Variants in SORCS1 observed in about 807,000 individuals in gnomAD.
SORCS1 encodes the protein VPS10 domain-containing receptor SorCS1.
In SORCS1, 60 loss-of-function variants were observed where a neutral mutation model predicts 146.1. The ratio of observed to expected loss-of-function variants is 0.41; its 90% CI spans 0.33 to 0.51. The LOEUF (loss-of-function observed/expected upper bound fraction) is 0.51. Ranked by LOEUF, SORCS1 falls within the 20% of genes least tolerant of loss-of-function variation. SORCS1 has a pLI of 0.21. For synonymous variants in SORCS1, 637 were observed against 584.0 expected (o/e 1.09, Z -1.31); for missense variants, 1,352 against 1,487.6 (o/e 0.91, Z 1.50).
intron 19 of SORCS1, among the ~76,000 whole-genome samples, chr10:106,622,370 T>C (rs1847810484): frequency 6.6e-6 from 1 of 151,558 alleles, no homozygotes; most frequent in African/African-American, 2.4e-5. Flanking sequence ...GATTTAAAAT[T>C]TGTGAGACAG....
intron 5 of SORCS1, among the ~76,000 whole-genome samples, chr10:106,757,889 CT>C (rs1858774394): frequency 6.6e-6 from 1 of 152,330 alleles, no homozygotes; most frequent in Non-Finnish European, 1.5e-5. Context: ...AGCCAAATTA[CT>C]TACCTTCTCT....
intron 1 of SORCS1, among the ~76,000 whole-genome samples, chr10:107,154,997 G>A (rs1453459807): frequency 6.6e-6 from 1 of 152,134 alleles, no homozygotes; most frequent in Admixed American, 6.5e-5. Context: ...TAGTAGAGTC[G>A]GCAATTAACC....
rs760812204 is a variant in SORCS1, at chr10:106,891,504, C to CTTTTTTTTTTTTTTTTTTTTTTTTTTTTT, written c.627-61832_627-61831insAAAAAAAAAAAAAAAAAAAAAAAAAAAAA. On this transcript the variant is annotated intron_variant, in intron 2 of 25. Transcript: ENST00000263054. ...GTAATCAGAAGTTTCAATGGGAATT[C>CTTTTTTTTTTTTTTTTTTTTTTTTTTTTT]TTTTTTTTTTTTTGAGAAAAGACCT... Among the ~76,000 whole-genome samples the CTTTTTTTTTTTTTTTTTTTTTTTTTTTTT allele has an allele frequency of 2.2e-3, 218 of 97,178 alleles. 53 individuals carry two copies. The highest frequency in any genetic ancestry group is 5.4e-3 in the Middle Eastern group (1 of 186). The allele number at this position is 97,178 out of a possible 152,430, so 63.8% of individuals were successfully genotyped here. A position where few individuals can be genotyped will look rare whatever the true frequency, so the allele number is the denominator to read the frequency against.
rs559857473 is a variant in SORCS1 at position 106,621,289 on chromosome 10, T to C, written c.2663-728A>G. On this transcript the variant is annotated intron_variant, in intron 19 of 25. Transcript: ENST00000263054. ...GAATGCCCTCTTCATAAAGAACCACTAGGACCTTTCCTTCAACCCTCAATC... is the reference window on the plus strand; with the variant it reads ...GAATGCCCTCTTCATAAAGAACCACCAGGACCTTTCCTTCAACCCTCAATC... 2.4e-4 allele frequency among the ~76,000 whole-genome samples: 37 copies of C among 152,278 alleles called. No homozygotes were observed. The East Asian group carries it at 6.8e-3, about 28-fold the overall frequency.
intron 3 of SORCS1, among the ~76,000 whole-genome samples, chr10:106,789,862 T>C (rs779719222): frequency 1.4e-4 from 21 of 152,208 alleles, no homozygotes; most frequent in Non-Finnish European, 2.5e-4. Context: ...AGAAGTGTAA[T>C]TGACTCACAG....
At chr10:106,877,900 G>A (rs988659766) in intron 2 of SORCS1, among the ~76,000 whole-genome samples, 2 of 152,156 alleles carry the variant, frequency 1.3e-5, no homozygotes, top group African/African-American at 4.8e-5. Flanking sequence ...ACTTTTCAGA[G>A]GGTGGAAACA....
chr10:107,108,172 T>C (rs1453357787), intron 1 of SORCS1, among the ~76,000 whole-genome samples: 1 of 152,114 alleles, frequency 6.6e-6, no homozygotes, highest in Non-Finnish European at 1.5e-5. Flanking sequence ...TTATCTATGA[T>C]CCTAGAGACA....
At chr10:106,828,355 C>T (rs1340125261) in intron 3 of SORCS1, among the ~76,000 whole-genome samples, 1 of 152,108 alleles carries the variant, frequency 6.6e-6, no homozygotes, top group Non-Finnish European at 1.5e-5. Context: ...ATCTGGGGAG[C>T]TTTAGTAAGA....
intron 4 of SORCS1, among the ~76,000 whole-genome samples, chr10:106,764,444 G>A (rs1859389608): frequency 6.6e-6 from 1 of 152,200 alleles, no homozygotes; most frequent in South Asian, 2.1e-4. Flanking sequence ...GGCTTTCCCT[G>A]TAGAATGAGT....
Position 106,620,485 on chromosome 10 carries a change from C to T in SORCS1, c.2739G>A (p.Leu913=). The part of the protein sequence containing the change: ...KNKEVNATAV[L]WPSQVGTLTY... ...TGAGGGTGCCCACTTGGCTGGGCCACAGCACTGCCGTCGCATTGACCTCTT... is the reference window on the plus strand; with the variant it reads ...TGAGGGTGCCCACTTGGCTGGGCCATAGCACTGCCGTCGCATTGACCTCTT... Residue 913 remains leucine (L), a synonymous_variant, in exon 20 of 26, where the codon CTG becomes CTA. Transcript: ENST00000263054. 6.2e-7 allele frequency: 1 copy of T among 1,614,128 alleles called. No homozygotes were observed. The highest frequency in any genetic ancestry group is 8.5e-7 in the Non-Finnish European group (1 of 1,179,970).
chr10:106,739,259 G>A (rs1308858946), intron 5 of SORCS1, among the ~76,000 whole-genome samples: 4 of 152,120 alleles, frequency 2.6e-5, no homozygotes, highest in South Asian at 4.1e-4. Context: ...TTCAAGGTAG[G>A]TGGATCACTT....
chr10:106,671,516 G>A (rs570929061), intron 15 of SORCS1, 149 bp from the exon 16 acceptor site: 25 of 1,061,148 alleles, frequency 2.4e-5, no homozygotes, highest in South Asian at 1.3e-4. Context: ...TTCCTTTTGC[G>A]GTCTAGAGCC....
intron 19 of SORCS1, 95 bp from the exon 20 acceptor site, chr10:106,620,656 C>A: frequency 2.1e-6 from 3 of 1,429,062 alleles, no homozygotes; most frequent in Admixed American, 5.2e-5. Flanking sequence ...ACTCTTGAAG[C>A]CCCCAAAACC....
intron 2 of SORCS1, among the ~76,000 whole-genome samples, chr10:106,844,871 G>A (rs2137192438): frequency 6.7e-6 from 1 of 149,318 alleles, no homozygotes; most frequent in Non-Finnish European, 1.5e-5. Flanking sequence ...TGAGAATGAT[G>A]GTTTCCAATT....
intron 2 of SORCS1, among the ~76,000 whole-genome samples, chr10:106,944,871 C>CTTTTTTTTTTTTTTTTTTTTTTTTTT (rs1564838013): frequency 3.3e-5 from 2 of 61,024 alleles, no homozygotes; most frequent in Admixed American, 1.7e-4. Flanking sequence ...AAGAAAGAGC[C>CTTTTTTTTTTTTTTTTTTTTTTTTTT]TTCTTTTTTT....
intron 1 of SORCS1, among the ~76,000 whole-genome samples, chr10:107,074,910 A>G (rs1962753123): frequency 6.6e-6 from 1 of 152,078 alleles, no homozygotes; most frequent in African/African-American, 2.4e-5. Flanking sequence ...AATGTTTTTT[A>G]AATAAAGTAT....
chr10:106,854,510 C>G (rs896368582), intron 2 of SORCS1, among the ~76,000 whole-genome samples: 1 of 151,546 alleles, frequency 6.6e-6, no homozygotes, highest in African/African-American at 2.4e-5. Flanking sequence ...CTTTTTGTTT[C>G]CTTTATTCTT....
In SORCS1 at chr10:106,952,684, G is replaced by A. The variant is rs191777855; in HGVS notation, c.626+3829C>T. ...TAAGGTATGTGTCATTCCTATTAAA[G>A]TACTAAAATGACCAGGCGTGGTGGC... On this transcript the variant is annotated intron_variant, in intron 2 of 25. Coordinates refer to ENST00000263054, the MANE Select transcript of SORCS1 (RefSeq NM_052918.5). 2.9e-3 allele frequency among the ~76,000 whole-genome samples: 444 copies of A among 150,988 alleles called. 2 individuals carry two copies. Among genetic ancestry groups the A allele is most frequent in the Non-Finnish European group, 5.5e-3 (374 of 67,840 alleles).
At chr10:106,615,894 G>T (rs1002483731) in intron 21 of SORCS1, among the ~76,000 whole-genome samples, 2 of 152,068 alleles carry the variant, frequency 1.3e-5, no homozygotes, top group African/African-American at 2.4e-5. Flanking sequence ...ATACCCTCTG[G>T]ATTCAGAATT....
Sources: gnomAD v4.1 joint callset for allele counts (sites outside exome capture counted in the v4.1 genomes callset) on GRCh38, gnomAD v4.1.1 for gene constraint, MANE v1.5 for transcripts, NCBI Gene and HGNC (gene_info 2026-07-23, HGNC 2026-07-21) for gene names.